Variants in CFAP299 observed in about 807,000 individuals in gnomAD.
CFAP299 encodes cilia- and flagella-associated protein 299.
Under a neutral mutation model 27.0 loss-of-function variants are expected in CFAP299, and 21 were observed. The ratio of observed to expected loss-of-function variants is 0.78; its 90% CI spans 0.55 to 1.12. CFAP299 has a LOEUF of 1.12. Ranked by LOEUF, CFAP299 falls within the 50% of genes most tolerant of loss-of-function variation. The pLI is 0.00. For synonymous variants in CFAP299, 104 were observed against 98.1 expected, an observed-to-expected ratio of 1.06 and a Z score of -0.36; for missense variants, 310 against 276.6, an observed-to-expected ratio of 1.12 and a Z score of -0.86.
intron 2 of CFAP299, among the ~76,000 whole-genome samples, chr4:80,543,020 C>A (rs1423173358): frequency 1.3e-5 from 2 of 152,136 alleles, no homozygotes; most frequent in African/African-American, 4.8e-5. Context: ...CAGGGCTCAA[C>A]CTCAAGGTAC....
chr4:80,746,087 G>C (rs944441653), intron 3 of CFAP299, among the ~76,000 whole-genome samples: 1 of 152,030 alleles, frequency 6.6e-6, no homozygotes, highest in African/African-American at 2.4e-5. Context: ...TCTATAGATA[G>C]AGAATTGGGA....
upstream of CFAP299, chr4:80,335,618 A>G (rs1191314611): frequency 6.1e-6 from 4 of 658,794 alleles, no homozygotes; most frequent in Non-Finnish European, 1.1e-5. Flanking sequence ...GTGAGGCAGA[A>G]GACAGAAACT....
chr4:80,791,247 A>G (rs544025565), intron 3 of CFAP299, among the ~76,000 whole-genome samples: 79 of 152,156 alleles, frequency 5.2e-4, no homozygotes, highest in African/African-American at 1.9e-3. Flanking sequence ...TAGGAAGTTC[A>G]GGAAAAATAT....
chr4:80,775,490 C>A (rs1358716203), intron 3 of CFAP299, among the ~76,000 whole-genome samples: 48 of 151,918 alleles, frequency 3.2e-4, no homozygotes, highest in Non-Finnish European at 7.4e-5. Context: ...TATTTTCTTG[C>A]TGTTTGGTTG....
chr4:80,335,644 G>A (rs183858796), upstream of CFAP299: 181 of 690,878 alleles, frequency 2.6e-4, no homozygotes, highest in Non-Finnish European at 3.9e-4. Context: ...AAACCGCCGG[G>A]GGGTGGGATT....
At chr4:80,653,227 G>A (rs1740397424) in intron 3 of CFAP299, among the ~76,000 whole-genome samples, 2 of 151,892 alleles carry the variant, frequency 1.3e-5, no homozygotes, top group South Asian at 2.1e-4. Context: ...TTTGACAAAC[G>A]GCAGATCTAC....
At chr4:80,783,582 T>G (rs776423997) in intron 3 of CFAP299, among the ~76,000 whole-genome samples, 8 of 152,190 alleles carry the variant, frequency 5.3e-5, no homozygotes, top group Non-Finnish European at 1.0e-4. Context: ...AATTCTGAAA[T>G]AGGTCTTTGT....
intron 2 of CFAP299, among the ~76,000 whole-genome samples, chr4:80,561,210 C>T (rs1735021707): frequency 6.6e-6 from 1 of 152,132 alleles, no homozygotes; most frequent in Admixed American, 6.6e-5. Flanking sequence ...TGTTCAAGAC[C>T]ATCAAGGTGG....
intron 3 of CFAP299, among the ~76,000 whole-genome samples, chr4:80,795,211 C>A (rs1049884139): frequency 6.6e-6 from 1 of 152,202 alleles, no homozygotes; most frequent in African/African-American, 2.4e-5. Flanking sequence ...TACCTATTCT[C>A]CAAATTTCTT....
intron 2 of CFAP299, among the ~76,000 whole-genome samples, chr4:80,511,679 G>C (rs1732310684): frequency 6.6e-6 from 1 of 151,970 alleles, no homozygotes; most frequent in African/African-American, 2.4e-5. Flanking sequence ...GTTATTAAAG[G>C]CCAGAATCTT....
intron 2 of CFAP299, among the ~76,000 whole-genome samples, chr4:80,465,733 A>G (rs1729668360): frequency 6.6e-6 from 1 of 152,234 alleles, no homozygotes; most frequent in African/African-American, 2.4e-5. Context: ...CAAACAGACC[A>G]AACACACAAA....
In CFAP299 at chr4:80,547,525, T is replaced by C. The variant is rs541373652; in HGVS notation, c.243-35568T>C. Among the ~76,000 whole-genome samples the C allele has an allele frequency of 2.2e-4, 34 of 152,108 alleles. No individual in the cohort carries two copies. In the East Asian group the frequency reaches 6.4e-3, roughly 29 times the overall value. On this transcript the variant is annotated intron_variant, in intron 2 of 5. Transcript: ENST00000358105. Reference sequence around the variant, plus strand: ...TGCAGTAAAAACAAAAATTGACAAGTGTGACCTAATTAAATTAAAGAGCTT... The same window carrying C: ...TGCAGTAAAAACAAAAATTGACAAGCGTGACCTAATTAAATTAAAGAGCTT...
chr4:80,557,735 A>G (rs1355661378), intron 2 of CFAP299, among the ~76,000 whole-genome samples: 1 of 152,132 alleles, frequency 6.6e-6, no homozygotes, highest in Non-Finnish European at 1.5e-5. Flanking sequence ...CCAGTTTTGG[A>G]AATTCAGTAT....
intron 2 of CFAP299, among the ~76,000 whole-genome samples, chr4:80,417,812 G>T (rs1467481772): frequency 6.6e-6 from 1 of 151,754 alleles, no homozygotes; most frequent in Admixed American, 6.6e-5. Context: ...ATGTACATGT[G>T]TATATATATG....
intron 2 of CFAP299, among the ~76,000 whole-genome samples, chr4:80,447,205 G>C (rs1578454155): frequency 1.6e-5 from 2 of 126,986 alleles, no homozygotes; most frequent in Admixed American, 8.3e-5. Flanking sequence ...GCGGGATCTC[G>C]GCTCACTGCA....
chr4:80,805,977 C>T (rs974408987), intron 3 of CFAP299, among the ~76,000 whole-genome samples: 5 of 152,026 alleles, frequency 3.3e-5, no homozygotes, highest in Non-Finnish European at 4.4e-5. Context: ...TATACTATGG[C>T]AGGATTATAG....
intron 4 of CFAP299, among the ~76,000 whole-genome samples, chr4:80,892,948 G>T (rs1311472383): frequency 6.6e-6 from 1 of 151,790 alleles, no homozygotes; most frequent in Non-Finnish European, 1.5e-5. Flanking sequence ...ATCTCTATTT[G>T]CAGATGACAT....
intron 2 of CFAP299, among the ~76,000 whole-genome samples, chr4:80,393,313 G>C (rs1167206057): frequency 6.6e-6 from 1 of 152,114 alleles, no homozygotes; most frequent in Non-Finnish European, 1.5e-5. Flanking sequence ...AAAAGTTACA[G>C]TAAGCTAAGA....
chr4:80,715,968 A>T (rs968435569), intron 3 of CFAP299, among the ~76,000 whole-genome samples: 1 of 152,064 alleles, frequency 6.6e-6, no homozygotes, highest in Non-Finnish European at 1.5e-5. Context: ...AGTGTAAACA[A>T]TTGTTATTTT....
Sources: allele counts gnomAD v4.1 joint callset (sites outside exome capture counted in the v4.1 genomes callset), GRCh38; gene constraint gnomAD v4.1.1; transcripts MANE v1.5; gene names NCBI Gene and HGNC (gene_info 2026-07-23, HGNC 2026-07-21).